The following PRKACB variants were observed in gnomAD, a reference collection of about 807,000 sequenced individuals.
The protein encoded by PRKACB is protein kinase cAMP-activated catalytic subunit beta.
In PRKACB, 16 loss-of-function variants were observed where a neutral mutation model predicts 51.4. The ratio of observed to expected loss-of-function variants is 0.31; its 90% CI spans 0.21 to 0.47. The LOEUF (loss-of-function observed/expected upper bound fraction) is 0.47, where lower values mean the gene tolerates loss of function less well. Ranked by LOEUF, PRKACB falls within the 20% of genes least tolerant of loss-of-function variation. PRKACB has a pLI of 1.00. For synonymous variants in PRKACB, 147 were observed against 154.4 expected (o/e 0.95, Z 0.35); for missense variants, 309 against 464.5 (o/e 0.67, Z 3.08).
chr1:84,189,562 A>G (rs1287052176), intron 5 of PRKACB, among the ~76,000 whole-genome samples: 1 of 151,944 alleles, frequency 6.6e-6, no homozygotes, highest in Non-Finnish European at 1.5e-5. Context: ...AAGGGGATGT[A>G]TGACCTTCAA....
At chr1:84,211,126 GTCAC>G (rs1300684170) in intron 8 of PRKACB, among the ~76,000 whole-genome samples, 2 of 41,276 alleles carry the variant, frequency 4.8e-5, no homozygotes, top group African/African-American at 7.0e-5. Context: ...CCACTCCACT[GTCAC>G]ACACACACAC....
chr1:84,124,030 T>C (rs1436827214), intron 1 of PRKACB, among the ~76,000 whole-genome samples: 1 of 152,174 alleles, frequency 6.6e-6, no homozygotes, highest in Non-Finnish European at 1.5e-5. Context: ...TTTATTTCTG[T>C]CTGTGACTCA....
At chr1:84,198,270 C>T (rs1244612961) in intron 7 of PRKACB, among the ~76,000 whole-genome samples, 1 of 152,106 alleles carries the variant, frequency 6.6e-6, no homozygotes, top group Non-Finnish European at 1.5e-5. Context: ...GGACTATTAA[C>T]AGCAATTGAA....
chr1:84,197,604 G>A, intron 6 of PRKACB, 125 bp from the exon 7 acceptor site: 1 of 595,204 alleles, frequency 1.7e-6, no homozygotes, highest in South Asian at 2.7e-5. Context: ...CAATTACGTG[G>A]ACTTAATTTT....
At position 84,194,948 on chromosome 1, in the gene PRKACB, T is replaced by C. The variant is rs545845333; in HGVS notation, c.561-1668T>C. 2.6e-5 allele frequency among the ~76,000 whole-genome samples: 4 copies of C among 152,220 alleles called. No individual in the cohort carries two copies. In the South Asian group the frequency reaches 6.2e-4, roughly 24 times the overall value. The stretch of plus-strand genomic sequence containing the variant: ...AAAAAAGAATTTTATTATAGATCTA[T>C]GTAATGTATGTGTTCCTCCAATTAA... On this transcript the variant is annotated intron_variant, in intron 5 of 9. Transcript: ENST00000370685.
rs573225282 is a variant in PRKACB, at chr1:84,173,504, G to A, written c.188-5673G>A. ...ATATTTTTAGTGTGTGTGTATGTGG[G>A]GAGGGGGAGAGTATTTTTAGAAATA... On this transcript the variant is annotated intron_variant, in intron 1 of 9. Coordinates refer to ENST00000370685, the MANE Select transcript of PRKACB (RefSeq NM_182948.4). Among the ~76,000 whole-genome samples the A allele has an allele frequency of 8.6e-5, 13 of 151,754 alleles. 1 individual carries two copies. Among genetic ancestry groups the A allele is most frequent in the Admixed American group, 7.9e-4 (12 of 15,202 alleles).
At chr1:84,145,162 T>A (rs1571794771) in intron 1 of PRKACB, among the ~76,000 whole-genome samples, 1 of 152,142 alleles carries the variant, frequency 6.6e-6, no homozygotes, top group Non-Finnish European at 1.5e-5. Flanking sequence ...TATGCATGAA[T>A]CACATTCTTT....
At position 84,184,069 on chromosome 1, in the gene PRKACB, G is replaced by A; in HGVS notation, c.411G>A (p.Leu137=). The A allele has an allele frequency of 6.2e-7, 1 of 1,601,590 alleles. No individual in the cohort carries two copies. Among genetic ancestry groups the A allele is most frequent in the Non-Finnish European group, 8.5e-7 (1 of 1,173,744 alleles). The change falls in exon 4 of 10, where the codon TTG becomes TTA. Residue 137 remains leucine (L), a synonymous_variant. Coordinates refer to ENST00000370685, the MANE Select transcript of PRKACB (RefSeq NM_182948.4). ...VVKLKQIEHT[L]NEKRILQAVN... The stretch of plus-strand genomic sequence containing the variant: ...AACTGAAGCAAATAGAGCATACTTT[G>A]AATGAGAAAAGAATATTACAGGCAG...
At chr1:84,230,361 T>C (rs1675413830) in intron 9 of PRKACB, among the ~76,000 whole-genome samples, 1 of 152,206 alleles carries the variant, frequency 6.6e-6, no homozygotes, top group Non-Finnish European at 1.5e-5. Flanking sequence ...TGAAGTCAGG[T>C]AGTGAGATGC....
At position 84,146,219 on chromosome 1, in the gene PRKACB, G is replaced by A. The variant is rs1462082120; in HGVS notation, c.187+1671G>A. ...TAAAATTAGGAGCAAACCATGTAGCGCTGCAAATAATATGCATGATGTAAG... is the reference window on the plus strand; with the variant it reads ...TAAAATTAGGAGCAAACCATGTAGCACTGCAAATAATATGCATGATGTAAG... On this transcript the variant is annotated intron_variant, in intron 1 of 9. Transcript: ENST00000370685. Among the ~76,000 whole-genome samples the A allele has an allele frequency of 4.0e-5, 6 of 151,696 alleles. No homozygotes were observed. In the East Asian group the frequency reaches 7.7e-4, roughly 20 times the overall value.
chr1:84,133,103 C>CT (rs1652414704), intron 1 of PRKACB, among the ~76,000 whole-genome samples: 1 of 151,680 alleles, frequency 6.6e-6, no homozygotes, highest in African/African-American at 2.4e-5. Flanking sequence ...AAACCAAAAA[C>CT]TAAGAGAAAA....
intron 1 of PRKACB, among the ~76,000 whole-genome samples, chr1:84,137,303 T>C (rs574387871): frequency 6.6e-6 from 1 of 152,234 alleles, no homozygotes; most frequent in African/African-American, 2.4e-5. Context: ...CACTGAAAAG[T>C]CTGTATACTT....
chr1:84,110,368 A>G (rs1650125750), intron 1 of PRKACB, among the ~76,000 whole-genome samples: 1 of 150,962 alleles, frequency 6.6e-6, no homozygotes, highest in Admixed American at 6.6e-5. Context: ...ATGTATGTTT[A>G]CATATATATA....
chr1:84,210,243 A>C (rs1259155521), intron 8 of PRKACB, among the ~76,000 whole-genome samples: 3 of 152,204 alleles, frequency 2.0e-5, no homozygotes, highest in Non-Finnish European at 4.4e-5. Context: ...AATCCTAAAC[A>C]ATAAATAATA....
chr1:84,196,253 A>C (rs1290805223), intron 5 of PRKACB, among the ~76,000 whole-genome samples: 1 of 152,156 alleles, frequency 6.6e-6, no homozygotes, highest in African/African-American at 2.4e-5. Context: ...TAACTATAGC[A>C]GTGGCCCCGA....
In PRKACB at chr1:84,214,910, A is replaced by G. The variant is rs41301178; in HGVS notation, c.1071+593A>G. 3.9e-3 allele frequency among the ~76,000 whole-genome samples: 601 copies of G among 152,350 alleles called. 4 individuals carry two copies. Among genetic ancestry groups the G allele is most frequent in the African/African-American group, 0.013 (542 of 41,582 alleles). ...CGCTTCACAAAACTGTGGAAATTAT[A>G]TATTAGACAATGTCCTAAGGGTTTT... On this transcript the variant is annotated intron_variant, in intron 9 of 9. Coordinates refer to ENST00000370685, the MANE Select transcript of PRKACB (RefSeq NM_182948.4).
intron 8 of PRKACB, among the ~76,000 whole-genome samples, chr1:84,210,362 A>G (rs1188163338): frequency 6.6e-6 from 1 of 152,196 alleles, no homozygotes; most frequent in Non-Finnish European, 1.5e-5. Flanking sequence ...AGTTTCCCAT[A>G]ACCTTATCTC....
intron 1 of PRKACB, among the ~76,000 whole-genome samples, chr1:84,128,390 C>T (rs1043966161): frequency 6.6e-5 from 10 of 152,138 alleles, no homozygotes; most frequent in African/African-American, 2.4e-4. Context: ...GGGTCTATAG[C>T]ATTCTGTCCA....
At chr1:84,175,251 T>C (rs899957539) in intron 1 of PRKACB, among the ~76,000 whole-genome samples, 2 of 151,768 alleles carry the variant, frequency 1.3e-5, no homozygotes, top group Non-Finnish European at 3.0e-5. Flanking sequence ...TTGTAATTTC[T>C]TGTGTGGTAT....
Sources: allele counts gnomAD v4.1 joint callset (sites outside exome capture counted in the v4.1 genomes callset), GRCh38; gene constraint gnomAD v4.1.1; transcripts MANE v1.5; gene names NCBI Gene and HGNC (gene_info 2026-07-23, HGNC 2026-07-21).